The following SOX5 variants were observed in gnomAD, a reference collection of about 807,000 sequenced individuals.
The protein encoded by SOX5 is SRY-box transcription factor 5, also known as transcription factor SOX-5.
Under a neutral mutation model 92.0 loss-of-function variants are expected in SOX5, and 9 were observed. That is an observed-to-expected ratio of 0.10 (90% CI 0.06 to 0.17). SOX5 has a LOEUF of 0.17. Ranked by LOEUF, SOX5 falls within the 10% of genes least tolerant of loss-of-function variation. The pLI is 1.00. For missense variants in SOX5, 642 were observed against 944.5 expected, an observed-to-expected ratio of 0.68 and a Z score of 4.20; for synonymous variants, 344 against 336.3, an observed-to-expected ratio of 1.02 and a Z score of -0.25.
At position 23,534,454 on chromosome 12, in the gene SOX5, A is replaced by C; in HGVS notation, c.2057T>G (p.Met686Arg). The part of the protein sequence containing the change: ...VYPGAIAMAG[M>R]PSPHLPSEHS... ...CTCCGAGGGCAGGTGAGGGGAGGGC[A>C]TCCCAGCCATGGCGATGGCTCCAGG... is the stretch of plus-strand genomic sequence containing the variant. Residue 686 changes from methionine (M) to arginine (R), a missense_variant, in exon 15 of 15, where the codon ATG becomes AGG. Transcript: ENST00000451604. 1 of 1,614,036 alleles carries C rather than the reference A, an allele frequency of 6.2e-7. No individual in the cohort carries two copies. The highest frequency in any genetic ancestry group is 8.5e-7 in the Non-Finnish European group (1 of 1,179,958).
intron 2 of SOX5, among the ~76,000 whole-genome samples, chr12:24,325,141 T>C (rs1223150750): frequency 2.0e-5 from 3 of 151,838 alleles, no homozygotes; most frequent in African/African-American, 7.3e-5. Flanking sequence ...AAAAAATTAT[T>C]TGTAAAAATA....
intron 3 of SOX5, among the ~76,000 whole-genome samples, chr12:23,795,305 T>C (rs994287829): frequency 2.0e-5 from 3 of 152,046 alleles, no homozygotes; most frequent in Non-Finnish European, 2.9e-5. Flanking sequence ...TGTATAAGAT[T>C]TTTCAAAGAA....
intron 1 of SOX5, among the ~76,000 whole-genome samples, chr12:23,947,036 T>C (rs1944704122): frequency 6.6e-6 from 1 of 151,926 alleles, no homozygotes; most frequent in Non-Finnish European, 1.5e-5. Context: ...CAAATTTTGA[T>C]CCTGATATTT....
At chr12:24,045,491 G>A (rs989119353) in intron 4 of SOX5, among the ~76,000 whole-genome samples, 1 of 152,016 alleles carries the variant, frequency 6.6e-6, no homozygotes, top group African/African-American at 2.4e-5. Context: ...TAGAGGTGGG[G>A]GTCTTACTAT....
At chr12:24,212,989 A>G (rs1209443487) in intron 4 of SOX5, among the ~76,000 whole-genome samples, 2 of 152,138 alleles carry the variant, frequency 1.3e-5, no homozygotes, top group Admixed American at 1.3e-4. Context: ...AACATTCTAC[A>G]TGTTTTAAGA....
chr12:24,419,395 C>T (rs1049708089), intron 1 of SOX5, among the ~76,000 whole-genome samples: 1 of 152,202 alleles, frequency 6.6e-6, no homozygotes, highest in African/African-American at 2.4e-5. Flanking sequence ...CTGCCTTGGC[C>T]TCCCAATGTG....
Position 24,192,921 on chromosome 12 carries a change from T to C in SOX5, c.-2+20422A>G, listed in dbSNP as rs116094107. Among the ~76,000 whole-genome samples, 859 of 152,314 alleles carry C rather than the reference T, an allele frequency of 5.6e-3. 9 individuals carry two copies. Among genetic ancestry groups the C allele is most frequent in the African/African-American group, 0.019 (793 of 41,580 alleles). ...CTGTTGCTCCTCTTGCCATTATTTC[T>C]TTTTATTTGTCTTTTATATGTGTCT... On this transcript the variant is annotated intron_variant, in intron 4 of 4. Transcript: ENST00000446891.
chr12:23,955,191 G>C (rs930467055), upstream of SOX5, among the ~76,000 whole-genome samples: 2 of 152,064 alleles, frequency 1.3e-5, no homozygotes, highest in Non-Finnish European at 2.9e-5. Flanking sequence ...ATTAAGTATA[G>C]AGTATACAGG....
intron 3 of SOX5, among the ~76,000 whole-genome samples, chr12:23,844,721 T>C (rs2096556019): frequency 1.3e-5 from 2 of 152,184 alleles, no homozygotes; most frequent in Admixed American, 1.3e-4. Flanking sequence ...GGAATAGCTA[T>C]GACTTCAGGT....
intron 3 of SOX5, among the ~76,000 whole-genome samples, chr12:23,823,103 T>C (rs1478598907): frequency 6.6e-6 from 1 of 152,242 alleles, no homozygotes; most frequent in Non-Finnish European, 1.5e-5. Context: ...TTGGGCCATT[T>C]AGCCCATTTA....
chr12:24,082,197 AGAC>A, intron 4 of SOX5, among the ~76,000 whole-genome samples: 1 of 151,918 alleles, frequency 6.6e-6, no homozygotes, highest in South Asian at 2.1e-4. Flanking sequence ...GACAAAGCAG[AGAC>A]AAATGATGGG....
chr12:23,859,544 T>A (rs1217561896), intron 2 of SOX5, among the ~76,000 whole-genome samples: 1 of 152,146 alleles, frequency 6.6e-6, no homozygotes, highest in Non-Finnish European at 1.5e-5. Context: ...TGGACCCTCA[T>A]CAGTAATTCT....
intron 1 of SOX5, among the ~76,000 whole-genome samples, chr12:24,421,161 A>T (rs956948719): frequency 2.6e-5 from 4 of 152,190 alleles, no homozygotes; most frequent in Admixed American, 6.5e-5. Context: ...TTCTAGAGAA[A>T]GAGGTGAGTC....
chr12:24,119,757 C>A (rs1304417303), intron 4 of SOX5, among the ~76,000 whole-genome samples: 1 of 151,954 alleles, frequency 6.6e-6, no homozygotes, highest in Non-Finnish European at 1.5e-5. Context: ...GATCTGTAAC[C>A]AATACATCTG....
intron 1 of SOX5, among the ~76,000 whole-genome samples, chr12:24,530,238 C>T (rs560092696): frequency 2.0e-4 from 30 of 152,112 alleles, no homozygotes; most frequent in Non-Finnish European, 1.5e-4. Context: ...ATTTTATTCT[C>T]ACAAAAAATT....
At chr12:24,124,195 C>T (rs1948888098) in intron 4 of SOX5, among the ~76,000 whole-genome samples, 1 of 152,168 alleles carries the variant, frequency 6.6e-6, no homozygotes, top group African/African-American at 2.4e-5. Flanking sequence ...TCCTCCCACA[C>T]AATAATCCTT....
chr12:23,938,317 C>T (rs1037143113), intron 1 of SOX5, among the ~76,000 whole-genome samples: 1 of 150,990 alleles, frequency 6.6e-6, no homozygotes, highest in African/African-American at 2.4e-5. Flanking sequence ...TCAAGCTTAA[C>T]CTACAGTCCA....
intron 1 of SOX5, among the ~76,000 whole-genome samples, chr12:24,470,319 A>G (rs1457305370): frequency 3.3e-5 from 5 of 152,198 alleles, no homozygotes; most frequent in Non-Finnish European, 7.3e-5. Flanking sequence ...TTGGCTAAAG[A>G]TAGATCATTA....
intron 4 of SOX5, among the ~76,000 whole-genome samples, chr12:24,043,143 G>C (rs531296166): frequency 3.3e-5 from 5 of 152,246 alleles, no homozygotes; most frequent in African/African-American, 9.6e-5. Flanking sequence ...AGACTTTCTG[G>C]TTCATAAATT....
Sources: allele counts gnomAD v4.1 joint callset (sites outside exome capture counted in the v4.1 genomes callset), GRCh38; gene constraint gnomAD v4.1.1; transcripts MANE v1.5; gene names NCBI Gene and HGNC (gene_info 2026-07-23, HGNC 2026-07-21).